LINGO2: variants seen among roughly 807,000 people sequenced by gnomAD.
The protein encoded by LINGO2 is leucine rich repeat and Ig domain containing 2.
Under a neutral mutation model 30.6 loss-of-function variants are expected in LINGO2, and 14 were observed. The ratio of observed to expected loss-of-function variants is 0.46; its 90% CI spans 0.30 to 0.72. LINGO2 has a LOEUF of 0.72. Among genes scored for constraint, LINGO2 ranks in the 30% least tolerant of loss-of-function variants. The probability of loss-of-function intolerance (pLI) is 0.07; values close to 1 mark genes in which losing one functional copy is unlikely to be tolerated. For synonymous variants in LINGO2, 317 were observed against 288.5 expected (o/e 1.10, Z -1.00); for missense variants, 729 against 751.7 (o/e 0.97, Z 0.35).
intron 3 of LINGO2, among the ~76,000 whole-genome samples, chr9:28,302,807 T>A (rs370617577): frequency 1.3e-5 from 2 of 152,206 alleles, no homozygotes; most frequent in East Asian, 1.9e-4. Context: ...GTGTGTCACA[T>A]TGTATGCTTT....
At chr9:28,215,298 A>G (rs1820725885) in intron 4 of LINGO2, among the ~76,000 whole-genome samples, 1 of 151,946 alleles carries the variant, frequency 6.6e-6, no homozygotes. Flanking sequence ...AGAACAGGAC[A>G]TAGTAGAAGG....
intron 5 of LINGO2, among the ~76,000 whole-genome samples, chr9:27,955,341 G>A (rs1178310326): frequency 6.6e-6 from 1 of 152,086 alleles, no homozygotes; most frequent in Non-Finnish European, 1.5e-5. Flanking sequence ...AACTTAAAAC[G>A]TGTCAATCGT....
the LINGO2 span, among the ~76,000 whole-genome samples, chr9:28,760,025 C>A: frequency 1.5e-3 from 226 of 152,084 alleles, 4 homozygotes; most frequent in African/African-American, 5.1e-3. Flanking sequence ...ACTTCCCACA[C>A]TCAAGAAACT....
chr9:28,538,116 A>G (rs866948752), intron 1 of LINGO2, among the ~76,000 whole-genome samples: 40 of 152,156 alleles, frequency 2.6e-4, no homozygotes, highest in African/African-American at 8.2e-4. Context: ...GGCAAAATAG[A>G]TATTTTTGTC....
chr9:28,889,031 T>A, the LINGO2 span: 1 of 447,290 alleles, frequency 2.2e-6, no homozygotes, highest in South Asian at 1.6e-5. Context: ...AATACAGTAA[T>A]CTGTTCCCCT....
chr9:28,731,260 A>G, the LINGO2 span, among the ~76,000 whole-genome samples: 1 of 152,016 alleles, frequency 6.6e-6, no homozygotes, highest in Non-Finnish European at 1.5e-5. Flanking sequence ...AGGTGTTGGG[A>G]TTACAGGAGT....
the LINGO2 span, among the ~76,000 whole-genome samples, chr9:29,052,216 A>G: frequency 6.6e-6 from 1 of 152,132 alleles, no homozygotes; most frequent in East Asian, 1.9e-4. Flanking sequence ...GAACACTAAA[A>G]CCTACTATTT....
the LINGO2 span, among the ~76,000 whole-genome samples, chr9:28,842,400 T>C: frequency 1.3e-5 from 2 of 151,932 alleles, no homozygotes; most frequent in South Asian, 4.1e-4. Flanking sequence ...ACAAGGTTTC[T>C]TCATTATTTC....
rs544999037 is a variant in LINGO2, at chr9:28,163,264, G to A, written c.-87+131944C>T. On this transcript the variant is annotated intron_variant, in intron 4 of 5. Coordinates refer to ENST00000379992, the Ensembl canonical transcript of LINGO2. ...GAGGCATTGAAAGAAGGTATCAATC[G>A]AATCTGCAGTAAAATGAGAGTTAAG... Among the ~76,000 whole-genome samples, 115 of 152,132 alleles carry A rather than the reference G, an allele frequency of 7.6e-4. 1 individual carries two copies. The highest frequency in any genetic ancestry group is 2.6e-3 in the African/African-American group (109 of 41,512).
At chr9:29,001,979 C>T in the LINGO2 span, among the ~76,000 whole-genome samples, 1 of 151,966 alleles carries the variant, frequency 6.6e-6, no homozygotes, top group African/African-American at 2.4e-5. Flanking sequence ...GTTTTCCACA[C>T]AGGTATTAAA....
rs534123093 is a variant in LINGO2 at position 28,255,491 on chromosome 9, A to C, written c.-87+39717T>G. Among the ~76,000 whole-genome samples the C allele has an allele frequency of 6.6e-5, 10 of 152,186 alleles. No individual in the cohort carries two copies. In the South Asian group the frequency reaches 2.1e-3, roughly 32 times the overall value. On this transcript the variant is annotated intron_variant, in intron 4 of 5. Coordinates refer to ENST00000379992, the Ensembl canonical transcript of LINGO2. ...GAACCTCTCTGTTACTTTTTCTATAAAGTAGGGATACTGTTGGGACTTTAA... is the reference window on the plus strand; with the variant it reads ...GAACCTCTCTGTTACTTTTTCTATACAGTAGGGATACTGTTGGGACTTTAA...
the LINGO2 span, among the ~76,000 whole-genome samples, chr9:28,884,999 TA>T: frequency 0.022 from 1,355 of 61,644 alleles, 178 homozygotes; most frequent in East Asian, 0.2. Flanking sequence ...TAATATATTA[TA>T]TATATATATA....
At chr9:27,991,785 G>C (rs780382558) in intron 5 of LINGO2, among the ~76,000 whole-genome samples, 2 of 152,096 alleles carry the variant, frequency 1.3e-5, no homozygotes, top group Non-Finnish European at 2.9e-5. Flanking sequence ...TTTTATGTCA[G>C]AGGAAGTCCT....
rs73645657 is a variant in LINGO2, at chr9:28,399,692, G to C, written c.-278-26824C>G. 5.6e-3 allele frequency among the ~76,000 whole-genome samples: 856 copies of C among 152,232 alleles called. 4 individuals carry two copies. Among genetic ancestry groups the C allele is most frequent in the African/African-American group, 0.02 (820 of 41,560 alleles). ...AATACTTCCTGTGATGATCAGGGAA[G>C]GATTCTGGTTGGAACTGGCTTAGAG... On this transcript the variant is annotated intron_variant, in intron 2 of 5. Coordinates refer to ENST00000379992, the Ensembl canonical transcript of LINGO2.
At chr9:28,839,211 T>C in the LINGO2 span, among the ~76,000 whole-genome samples, 1 of 152,072 alleles carries the variant, frequency 6.6e-6, no homozygotes, top group Non-Finnish European at 1.5e-5. Context: ...TTCAGATCTG[T>C]TTGTGTTACA....
chr9:28,172,016 C>CAA (rs1197927884), intron 4 of LINGO2, among the ~76,000 whole-genome samples: 15,533 of 43,616 alleles, frequency 0.36, 3,406 homozygotes, highest in East Asian at 0.43. Context: ...GACTCCGTCT[C>CAA]AAAAAAAAAA....
At chr9:29,152,589 G>A in the LINGO2 span, among the ~76,000 whole-genome samples, 2 of 152,044 alleles carry the variant, frequency 1.3e-5, no homozygotes, top group Admixed American at 1.3e-4. Flanking sequence ...ATAAGTGAGA[G>A]GTAAACACTG....
At chr9:28,401,897 CT>C (rs571804980) in intron 2 of LINGO2, among the ~76,000 whole-genome samples, 1 of 152,076 alleles carries the variant, frequency 6.6e-6, no homozygotes, top group Non-Finnish European at 1.5e-5. Flanking sequence ...TGATGTTGAG[CT>C]TTTTTTCATA....
intron 3 of LINGO2, among the ~76,000 whole-genome samples, chr9:28,357,330 A>T (rs1820260347): frequency 8.5e-6 from 1 of 117,496 alleles, no homozygotes; most frequent in African/African-American, 3.1e-5. Context: ...CCCCCCCCAA[A>T]AAAGAAAGCA....
Sources: allele counts gnomAD v4.1 joint callset (sites outside exome capture counted in the v4.1 genomes callset), GRCh38; gene constraint gnomAD v4.1.1; transcripts MANE v1.5; gene names NCBI Gene and HGNC (gene_info 2026-07-23, HGNC 2026-07-21).